The following ZNF892 variants were observed in gnomAD, a reference collection of about 807,000 sequenced individuals.
ZNF892 encodes the protein zinc finger protein 570-like.
chr2:95,218,306 A>G, the ZNF892 span, among the ~76,000 whole-genome samples: 1 of 152,200 alleles, frequency 6.6e-6, no homozygotes. Flanking sequence ...ACATTTTACT[A>G]CAAGCACTAA....
the ZNF892 span, chr2:95,207,715 C>T: frequency 2.5e-6 from 1 of 397,916 alleles, no homozygotes; most frequent in Non-Finnish European, 4.4e-6. Context: ...CCAGGCTGCC[C>T]ACGCGTGCGT....
At chr2:95,233,357 A>T in the ZNF892 span, among the ~76,000 whole-genome samples, 1 of 150,854 alleles carries the variant, frequency 6.6e-6, no homozygotes, top group Admixed American at 6.6e-5. Flanking sequence ...GTGCCACTAG[A>T]CCTGGCTATT....
At chr2:95,225,883 A>T in the ZNF892 span, among the ~76,000 whole-genome samples, 1 of 152,228 alleles carries the variant, frequency 6.6e-6, no homozygotes, top group Non-Finnish European at 1.5e-5. Flanking sequence ...AGACATTTGC[A>T]ATGCAAAAAG....
the ZNF892 span, among the ~76,000 whole-genome samples, chr2:95,229,493 A>G: frequency 6.6e-6 from 1 of 151,818 alleles, no homozygotes; most frequent in Non-Finnish European, 1.5e-5. Context: ...GTGGGTGATC[A>G]CTGGTTTGGT....
chr2:95,207,647 C>G, the ZNF892 span: 1 of 395,042 alleles, frequency 2.5e-6, no homozygotes, highest in Middle Eastern at 6.4e-4. Context: ...CTGAACGCAT[C>G]CCCTTTTAAT....
chr2:95,234,244 GC>G, the ZNF892 span, among the ~76,000 whole-genome samples: 2 of 152,180 alleles, frequency 1.3e-5, no homozygotes, highest in African/African-American at 4.8e-5. Flanking sequence ...GCAGTCAGGC[GC>G]TCAATGAGGA....
At chr2:95,257,817 C>G in the ZNF892 span, among the ~76,000 whole-genome samples, 3 of 152,224 alleles carry the variant, frequency 2.0e-5, no homozygotes. Context: ...TTATCTCAGA[C>G]TGCTGTGCTA....
chr2:95,225,155 A>T, the ZNF892 span, among the ~76,000 whole-genome samples: 2 of 152,232 alleles, frequency 1.3e-5, no homozygotes, highest in Non-Finnish European at 2.9e-5. Context: ...ATGTTATAGA[A>T]TATATTAGTG....
chr2:95,207,960 C>T, the ZNF892 span: 1 of 397,378 alleles, frequency 2.5e-6, no homozygotes, highest in Non-Finnish European at 4.4e-6. Context: ...TAGCCGGTCT[C>T]ACTTGGGGTT....
At chr2:95,248,722 A>C in the ZNF892 span, among the ~76,000 whole-genome samples, 1 of 152,132 alleles carries the variant, frequency 6.6e-6, no homozygotes, top group Non-Finnish European at 1.5e-5. Context: ...TTTATAAGTA[A>C]ATCTATTTAA....
chr2:95,250,571 AT>A, the ZNF892 span, among the ~76,000 whole-genome samples: 8 of 146,234 alleles, frequency 5.5e-5, no homozygotes, highest in Non-Finnish European at 9.0e-5. Context: ...TTATTTATAA[AT>A]TTATAAATAT....
At chr2:95,209,966 C>T in the ZNF892 span, among the ~76,000 whole-genome samples, 6 of 152,002 alleles carry the variant, frequency 3.9e-5, no homozygotes, top group Non-Finnish European at 8.8e-5. Context: ...GTAGGTAGTT[C>T]TTTTAACTTT....
At chr2:95,235,900 C>T in the ZNF892 span, among the ~76,000 whole-genome samples, 4 of 152,190 alleles carry the variant, frequency 2.6e-5, no homozygotes, top group African/African-American at 9.7e-5. Context: ...GTGGTGAATA[C>T]AGTACTGTTC....
the ZNF892 span, among the ~76,000 whole-genome samples, chr2:95,252,835 A>G: frequency 6.6e-6 from 1 of 152,364 alleles, no homozygotes; most frequent in East Asian, 1.9e-4. Flanking sequence ...TCTGATGGCC[A>G]GAGATGATGA....
At chr2:95,235,535 G>A in the ZNF892 span, among the ~76,000 whole-genome samples, 1 of 151,982 alleles carries the variant, frequency 6.6e-6, no homozygotes, top group Non-Finnish European at 1.5e-5. Flanking sequence ...CTAATTTTTT[G>A]TATTTTTACT....
the ZNF892 span, among the ~76,000 whole-genome samples, chr2:95,233,687 AAAAAAAAAAAAAATC>A: frequency 6.7e-6 from 1 of 148,458 alleles, no homozygotes. Context: ...AAAAAAAAAA[AAAAAAAAAAAAAATC>A]TCGCTATGTT....
At chr2:95,225,264 C>T in the ZNF892 span, among the ~76,000 whole-genome samples, 3 of 151,784 alleles carry the variant, frequency 2.0e-5, no homozygotes, top group Non-Finnish European at 4.4e-5. Flanking sequence ...TAAAATTTAC[C>T]CTCTTAACCA....
chr2:95,253,893 G>T, the ZNF892 span, among the ~76,000 whole-genome samples: 1 of 152,114 alleles, frequency 6.6e-6, no homozygotes, highest in African/African-American at 2.4e-5. Flanking sequence ...TCTGTTATTG[G>T]TGTATAAGAA....
At chr2:95,211,641 CG>C in the ZNF892 span, 1 of 398,578 alleles carries the variant, frequency 2.5e-6, no homozygotes, top group Non-Finnish European at 4.4e-6. Context: ...GGGATATGGC[CG>C]AGGCTCTCAC....
Sources: gnomAD v4.1 joint callset for allele counts (sites outside exome capture counted in the v4.1 genomes callset) on GRCh38, gnomAD v4.1.1 for gene constraint, MANE v1.5 for transcripts, NCBI Gene and HGNC (gene_info 2026-07-23, HGNC 2026-07-21) for gene names.